The following DPH1 variants were observed in gnomAD, a reference collection of about 807,000 sequenced individuals.
DPH1 encodes the protein diphthamide biosynthesis 1.
In DPH1, 59 loss-of-function variants were observed where a neutral mutation model predicts 55.3. The ratio of observed to expected loss-of-function variants is 1.07; its 90% confidence interval spans 0.87 to 1.33. The LOEUF is 1.33. Among genes scored for constraint, DPH1 ranks in the 40% most tolerant of loss-of-function variants. The probability of loss-of-function intolerance (pLI) is 0.00; values close to 1 mark genes in which losing one functional copy is unlikely to be tolerated. For synonymous variants in DPH1, 238 were observed against 235.5 expected (o/e 1.01, Z -0.10); for missense variants, 628 against 584.8 (o/e 1.07, Z -0.76).
intron 11 of DPH1, 41 bp from the exon 12 acceptor site, chr17:2,041,727 G>A (rs1410609608): frequency 6.3e-7 from 1 of 1,585,130 alleles, no homozygotes; most frequent in African/African-American, 1.3e-5. Context: ...GGAAACGCAG[G>A]GTCGCAGGAG....
chr17:2,041,741 G>C (rs746352251), intron 11 of DPH1, 27 bp from the exon 12 acceptor site: 2 of 1,593,602 alleles, frequency 1.3e-6, no homozygotes, highest in South Asian at 2.3e-5. Context: ...GCAGGAGCGA[G>C]ACCCTAACCA....
In DPH1 at chr17:2,042,316, TGCGTCCACCCG is replaced by T. The variant is rs2067552637; in HGVS notation, c.*19-288_*19-278del. On this transcript the variant is annotated intron_variant, in intron 12 of 12. Transcript: ENST00000263083. Reference sequence around the variant, plus strand: ...CGACACCCTTCAGCATCCCCCACCCTGCGTCCACCCGCATTCCTCCCACCCAGTCCACACCC... The same window carrying T: ...CGACACCCTTCAGCATCCCCCACCCTCATTCCTCCCACCCAGTCCACACCC... 5.0e-6 allele frequency: 7 copies of T among 1,387,544 alleles called. No individual in the cohort carries two copies. In the South Asian group the frequency reaches 9.4e-5, roughly 19 times the overall value. 86.0% of individuals were successfully genotyped at this position (1,387,544 alleles called of 1,614,324 possible).
In DPH1 at chr17:2,036,114, G is replaced by C. The variant is rs2067420360; in HGVS notation, c.400+23G>C. 3.7e-6 allele frequency: 6 copies of C among 1,612,224 alleles called. No homozygotes were observed. Among genetic ancestry groups the C allele is most frequent in the Non-Finnish European group, 5.1e-6 (6 of 1,178,786 alleles). On this transcript the variant is annotated intron_variant, in intron 4 of 12. Coordinates refer to ENST00000263083, the MANE Select transcript of DPH1 (RefSeq NM_001383.6). The surrounding 1 kb of genome is among the most constrained non-coding windows in gnomAD (Gnocchi z 4.8). ...TGAGTATGGTGGGGCCAGGACACCT[G>C]GACGGTGGCGGGGCTGGCAGGGAGG...
chr17:2,041,887 C>G lies in DPH1; in HGVS notation c.*18+12C>G, dbSNP rs753505433. The G allele has an allele frequency of 7.0e-6, 11 of 1,561,838 alleles. No homozygotes were observed. Among genetic ancestry groups the G allele is most frequent in the East Asian group, 4.7e-5 (2 of 42,394 alleles). On this transcript the variant is annotated intron_variant, in intron 12 of 12. Transcript: ENST00000263083. ...CTCCCGGGCCTCAGGTATCAGCCCC[C>G]GCTCTGGGTGCGCCCCGCCTTTTGC...
chr17:2,042,044 C>T, intron 12 of DPH1, 169 bp downstream of exon 12: 2 of 1,520,374 alleles, frequency 1.3e-6, no homozygotes, highest in Non-Finnish European at 1.8e-6. Flanking sequence ...CCTTGCCGGG[C>T]ATAATGGCCG....
rs1396425301 is a variant in DPH1, at chr17:2,036,328, C to G, written c.401-201C>G. 4 of 1,040,112 alleles carry G rather than the reference C, an allele frequency of 3.8e-6. No individual in the cohort carries two copies. The highest frequency in any genetic ancestry group is 5.4e-6 in the Non-Finnish European group (4 of 736,668). 64.4% of individuals were successfully genotyped at this position (1,040,112 alleles called of 1,614,324 possible). A position where few individuals can be genotyped will look rare whatever the true frequency, so the allele number is the denominator to read the frequency against. On this transcript the variant is annotated intron_variant, in intron 4 of 12. Coordinates refer to ENST00000263083, the MANE Select transcript of DPH1 (RefSeq NM_001383.6). The surrounding 1 kb of genome is among the most constrained non-coding windows in gnomAD (Gnocchi z 4.8). ...GTTTGAAAGGCTGTTGGTTGTAGAG[C>G]AGGCTGGGCCCCGGCCGGGTGACAG...
chr17:2,041,390 C>T lies in DPH1; in HGVS notation c.1087-91C>T, dbSNP rs1322479557. The T allele has an allele frequency of 7.8e-6, 12 of 1,529,662 alleles. No homozygotes were observed. The African/African-American group carries it at 1.2e-4, about 16-fold the overall frequency. The allele number at this position is 1,529,662 out of a possible 1,614,324, so 94.8% of individuals were successfully genotyped here. A position where few individuals can be genotyped will look rare whatever the true frequency, so the allele number is the denominator to read the frequency against. On this transcript the variant is annotated intron_variant, in intron 10 of 12. Transcript: ENST00000263083. ...CCCTTCTGTGGCAGGGGACAGTGTG[C>T]CCTTCACAGGCCGTCGTGAGGACTG...
In DPH1 at chr17:2,036,317, T is replaced by TTGAAA. The variant is rs2067423855; in HGVS notation, c.401-212_401-211insTGAAA. On this transcript the variant is annotated intron_variant, in intron 4 of 12. Transcript: ENST00000263083. This position sits in a 1 kb window ranked among gnomAD's most constrained non-coding sequence, Gnocchi z 4.8. ...CAGATGCAGGTGTTTGAAAGGCTGT[T>TTGAAA]GGTTGTAGAGCAGGCTGGGCCCCGG... 4 of 1,060,918 alleles carry TTGAAA rather than the reference T, an allele frequency of 3.8e-6. No homozygotes were observed. In the African/African-American group the frequency reaches 6.4e-5, roughly 17 times the overall value. 65.7% of individuals were successfully genotyped at this position (1,060,918 alleles called of 1,614,324 possible).
rs1358202828 is a variant in DPH1, at chr17:2,036,899, C to T, written c.623C>T (p.Pro208Leu). The change falls in exon 6 of 13, where the codon CCT becomes CTT. Residue 208 changes from proline to leucine, a missense_variant. Physicochemically the swap from Pro to Leu is moderately conservative, Grantham distance 98. Transcript: ENST00000263083. The surrounding 1 kb of genome is among the most constrained non-coding windows in gnomAD (Gnocchi z 4.8). Reference sequence around the variant, plus strand: ...GTCCCACAGTGCAAGCCCCTGTCCCCTGGAGAGATCCTGGGCTGCACATCC... The same window carrying T: ...GTCCCACAGTGCAAGCCCCTGTCCCTTGGAGAGATCCTGGGCTGCACATCC... ...VSVPQCKPLS[P>L]GEILGCTSPR... 1.9e-6 allele frequency: 3 copies of T among 1,613,878 alleles called. No homozygotes were observed. Among genetic ancestry groups the T allele is most frequent in the Admixed American group, 3.3e-5 (2 of 60,010 alleles).
At chr17:2,035,689 G>A (rs528690040) in intron 3 of DPH1, among the ~76,000 whole-genome samples, 12 of 152,270 alleles carry the variant, frequency 7.9e-5, no homozygotes, top group South Asian at 2.1e-4. Context: ...TTGACCCCAC[G>A]TGTGCCGGAG....
chr17:2,041,545 G>C lies in DPH1; in HGVS notation c.1151G>C (p.Ser384Thr), dbSNP rs374664554. Reference protein sequence around the residue: ...QPYPMDFYAGSSLGPWTVNHG... With the variant: ...QPYPMDFYAGTSLGPWTVNHG... ...TACCCGATGGACTTCTACGCTGGCA[G>C]CTCCTTGGGGCCCTGGACGGTGAAC... The change falls in exon 11 of 13, where the codon AGC becomes ACC. Residue 384 changes from serine (S) to threonine (T), a missense_variant. By Grantham distance (58) the Ser-to-Thr change is moderately conservative. Transcript: ENST00000263083. The C allele has an allele frequency of 1.5e-5, 24 of 1,612,828 alleles. No homozygotes were observed. The highest frequency in any genetic ancestry group is 1.9e-5 in the Non-Finnish European group (23 of 1,179,738).
intron 12 of DPH1, 135 bp from the exon 13 acceptor site, chr17:2,042,470 T>A: frequency 7.5e-7 from 1 of 1,340,758 alleles, no homozygotes; most frequent in Non-Finnish European, 9.8e-7. Context: ...ATTTCCCCCC[T>A]CTCATTTCCC....
chr17:2,041,698 G>T, intron 11 of DPH1, 70 bp from the exon 12 acceptor site: 2 of 1,578,786 alleles, frequency 1.3e-6, no homozygotes, highest in Non-Finnish European at 1.7e-6. Flanking sequence ...GACGGGAAAC[G>T]CACAGGAGCG....
At chr17:2,038,972 G>C (rs931648105) in intron 6 of DPH1, 1 of 152,146 alleles carries the variant, frequency 6.6e-6, no homozygotes, top group Admixed American at 6.5e-5. Context: ...TATTTCACAC[G>C]TGAGAAAACC....
At chr17:2,033,463 A>C (rs2067358143) in intron 1 of DPH1, 42 bp from the exon 2 acceptor site, 1 of 1,612,978 alleles carries the variant, frequency 6.2e-7, no homozygotes, top group Non-Finnish European at 8.5e-7. Flanking sequence ...ATCTGGCTTC[A>C]GCCAAAGACA....
At chr17:2,042,400 C>CTCAGCCTGTCT (rs1462096285) in intron 12 of DPH1, 50 of 1,256,958 alleles carry the variant, frequency 4.0e-5, no homozygotes, top group Non-Finnish European at 5.0e-5. Flanking sequence ...GCAGCCTGTC[C>CTCAGCCTGTCT]TCCCAGGCTT....
At chr17:2,039,570 G>C in intron 6 of DPH1, 185 bp from the exon 7 acceptor site, 1 of 631,702 alleles carries the variant, frequency 1.6e-6, no homozygotes. Context: ...GTAGAGACGG[G>C]GTTTCACTGT....
chr17:2,041,342 G>A (rs897542536), intron 10 of DPH1, 139 bp from the exon 11 acceptor site: 10 of 1,459,376 alleles, frequency 6.9e-6, no homozygotes, highest in Non-Finnish European at 9.3e-6. Context: ...GTAGCCTTAG[G>A]CAAGGCCCTG....
chr17:2,038,147 CAAAAAAAAA>C (rs201391773), intron 6 of DPH1, among the ~76,000 whole-genome samples: 7 of 108,748 alleles, frequency 6.4e-5, no homozygotes, highest in Non-Finnish European at 9.3e-5. Context: ...CTGTTCTCTC[CAAAAAAAAA>C]AAAAAAAAAA....
Sources: gnomAD v4.1 joint callset for allele counts (sites outside exome capture counted in the v4.1 genomes callset) on GRCh38, gnomAD v4.1.1 for gene constraint, Gnocchi (gnomAD v3.1) non-coding constraint, MANE v1.5 for transcripts, NCBI Gene and HGNC (gene_info 2026-07-23, HGNC 2026-07-21) for gene names.